Variants in FDXR observed in about 807,000 individuals in gnomAD.
The protein encoded by FDXR is ferredoxin reductase, also known as NADPH:adrenodoxin oxidoreductase, mitochondrial.
A neutral mutation model predicts 58.3 loss-of-function variants in FDXR; 38 were observed. That is an observed-to-expected ratio of 0.65 (90% CI 0.50 to 0.85). The LOEUF is 0.85. Among genes scored for constraint, FDXR ranks in the 40% least tolerant of loss-of-function variants. The pLI is 0.00. For missense variants in FDXR, 624 were observed against 671.0 expected (o/e 0.93, Z 0.77); for synonymous variants, 275 against 273.8 (o/e 1.00, Z -0.04).
At chr17:74,866,299 GC>G in intron 4 of FDXR, 55 bp from the exon 5 acceptor site, 1 of 1,577,258 alleles carries the variant, frequency 6.3e-7, no homozygotes, top group Non-Finnish European at 8.7e-7. Context: ...GCACTGATAG[GC>G]CGGGCAGCCC....
chr17:74,864,760 C>T, intron 7 of FDXR, 64 bp downstream of exon 7: 1 of 1,606,800 alleles, frequency 6.2e-7, no homozygotes, highest in East Asian at 2.2e-5. Flanking sequence ...TGCCCCACCC[C>T]AACCCCTTAA....
chr17:74,864,804 T>A lies in FDXR; in HGVS notation c.717+20A>T, dbSNP rs781612378. On this transcript the variant is annotated intron_variant, in intron 7 of 11. Transcript: ENST00000293195. ...CCCCTCCACCTGGAACCCTGGCTCC[T>A]CCCACTCTGGCCCCAGCACCTTAAT... 6.2e-7 allele frequency: 1 copy of A among 1,613,414 alleles called. No homozygotes were observed. Among genetic ancestry groups the A allele is most frequent in the Non-Finnish European group, 8.5e-7 (1 of 1,179,754 alleles).
intron 2 of FDXR, chr17:74,868,564 A>G (rs2038270853): frequency 6.5e-6 from 10 of 1,535,188 alleles, no homozygotes; most frequent in African/African-American, 2.7e-5. Context: ...CTTATCTTCC[A>G]TTCTTTCCTG....
chr17:74,872,200 G>C (rs187001043), intron 1 of FDXR, 67 bp from the exon 2 acceptor site: 7 of 1,568,848 alleles, frequency 4.5e-6, no homozygotes, highest in Non-Finnish European at 6.0e-6. Context: ...AAACCAACCT[G>C]AATATCCAAC....
chr17:74,869,939 A>C (rs1308850896), intron 2 of FDXR: 2 of 452,306 alleles, frequency 4.4e-6, no homozygotes, highest in Non-Finnish European at 8.9e-6. Context: ...ACTTGGCCCT[A>C]GCATCCTTAC....
rs768718946 is a variant in FDXR at position 74,872,100 on chromosome 17, G to A, written c.113C>T (p.Thr38Ile). Residue 38 changes from threonine to isoleucine, a missense_variant, in exon 2 of 12, where the codon ACC becomes ATC. By Grantham distance (89) the Thr-to-Ile change is moderately conservative. Coordinates refer to ENST00000293195, the MANE Select transcript of FDXR (RefSeq NM_024417.5). ...FCHHFSTQEK[T>I]PQICVVGSGP... ...ACTGCCCACCACACAGATCTGGGGGGTCTTCTCCTGTGTGGAGAAATGGTG... is the reference window on the plus strand; with the variant it reads ...ACTGCCCACCACACAGATCTGGGGGATCTTCTCCTGTGTGGAGAAATGGTG... 1.9e-6 allele frequency: 3 copies of A among 1,607,330 alleles called. No individual in the cohort carries two copies. Among genetic ancestry groups the A allele is most frequent in the South Asian group, 1.1e-5 (1 of 90,180 alleles).
intron 2 of FDXR, 179 bp from the exon 3 acceptor site, chr17:74,867,055 C>A (rs1323249220): frequency 7.2e-7 from 1 of 1,397,806 alleles, no homozygotes; most frequent in Non-Finnish European, 9.5e-7. Flanking sequence ...GCCTGTCAGC[C>A]CAGCACTTTG....
Position 74,862,739 on chromosome 17 carries a change from G to T in FDXR, c.*78C>A. 6.6e-7 allele frequency: 1 copy of T among 1,512,982 alleles called. No individual in the cohort carries two copies. Among genetic ancestry groups the T allele is most frequent in the Non-Finnish European group, 8.8e-7 (1 of 1,130,850 alleles). 93.7% of individuals were successfully genotyped at this position (1,512,982 alleles called of 1,614,324 possible). On this transcript the variant is annotated 3_prime_UTR_variant, in exon 12 of 12. Transcript: ENST00000293195. The stretch of plus-strand genomic sequence containing the variant: ...CGGCCGGGATCAGCAGAGGTGCAAA[G>T]TCCCACTCAGACGGACCCAGCCCTT...
At chr17:74,863,803 T>G in intron 10 of FDXR, 93 bp downstream of exon 10, 1 of 1,465,156 alleles carries the variant, frequency 6.8e-7, no homozygotes, top group Non-Finnish European at 9.3e-7. Flanking sequence ...TCTCAGTACA[T>G]GTTGCTAGAT....
chr17:74,866,888 C>G lies in FDXR; in HGVS notation c.178-12G>C. 2 of 1,612,762 alleles carry G rather than the reference C, an allele frequency of 1.2e-6. No homozygotes were observed. The highest frequency in any genetic ancestry group is 1.7e-6 in the Non-Finnish European group (2 of 1,179,406). On this transcript the variant is annotated splice_polypyrimidine_tract_variant and intron_variant, in intron 2 of 11. Transcript: ENST00000293195. ...TGGGCCTGGGGGTGCTGCTGGGGAA[C>G]AGGGTGGCAGCTGGTGGGGCCGAGA...
rs2038158907 is a variant in FDXR, at chr17:74,865,816, T to C, written c.512A>G (p.Glu171Gly). The C allele has an allele frequency of 5.6e-6, 9 of 1,612,570 alleles. No homozygotes were observed. The East Asian group carries it at 1.8e-4, about 32-fold the overall frequency. Residue 171 changes from glutamate to glycine, a missense_variant, in exon 6 of 12, where the codon GAG (glutamate) becomes GGG (glycine). Glu to Gly is a moderately conservative substitution (Grantham distance 98). Coordinates refer to ENST00000293195, the MANE Select transcript of FDXR (RefSeq NM_024417.5). ...YNGLPENQEL[E>G]PDLSCDTAVI... The stretch of plus-strand genomic sequence containing the variant: ...GGCTGTGTCACAGCTCAGGTCTGGC[T>C]CCAGCTGGAGGGGAAAGGTCTTGAT...
chr17:74,865,582 C>G, intron 6 of FDXR, 137 bp downstream of exon 6: 1 of 615,694 alleles, frequency 1.6e-6, no homozygotes, highest in South Asian at 2.0e-5. Flanking sequence ...CTTCAGAGAG[C>G]CTCTGCCTGG....
chr17:74,866,703 C>T, intron 3 of FDXR, 81 bp downstream of exon 3: 1 of 1,587,830 alleles, frequency 6.3e-7, no homozygotes, highest in South Asian at 1.1e-5. Context: ...GAAGTCCTGT[C>T]ATCCAGCCAG....
chr17:74,867,306 CAAA>C (rs56079045), intron 2 of FDXR, among the ~76,000 whole-genome samples: 19 of 16,512 alleles, frequency 1.2e-3, no homozygotes, highest in African/African-American at 2.9e-3. Context: ...GACTCTGTCT[CAAA>C]AAAAAAAAAA....
chr17:74,868,512 T>A, intron 2 of FDXR: 1 of 1,426,438 alleles, frequency 7.0e-7, no homozygotes, highest in Non-Finnish European at 9.5e-7. Flanking sequence ...TTCAAACTGC[T>A]CGGCCTAGAG....
chr17:74,864,786 A>T (rs1416089595), intron 7 of FDXR, 38 bp downstream of exon 7: 1 of 1,612,726 alleles, frequency 6.2e-7, no homozygotes, highest in Non-Finnish European at 8.5e-7. Context: ...GGCCCCCTCC[A>T]CCTGGAACCC....
chr17:74,867,079 G>A, intron 2 of FDXR: 1 of 1,172,730 alleles, frequency 8.5e-7, no homozygotes, highest in Non-Finnish European at 1.2e-6. Flanking sequence ...GGCTGAGGCA[G>A]GTGGATAACC....
chr17:74,872,921 C>CCAGCGCCAG lies in FDXR; in HGVS notation c.15_23dup (p.Cys5_Arg7dup). Reference sequence around the variant, plus strand: ...TCCGAGGCCACGCCGACCAGCCCCACCAGCGCCAGCAGCGCGAAGCCATGG... The same window carrying CCAGCGCCAG: ...TCCGAGGCCACGCCGACCAGCCCCACCAGCGCCAGCAGCGCCAGCAGCGCGAAGCCATGG... On this transcript the variant is annotated inframe_insertion, in exon 1 of 12. Transcript: ENST00000293195. 1 of 1,556,460 alleles carries CCAGCGCCAG rather than the reference C, an allele frequency of 6.4e-7. No homozygotes were observed. The highest frequency in any genetic ancestry group is 8.7e-7 in the Non-Finnish European group (1 of 1,150,540).
At position 74,863,090 on chromosome 17, in the gene FDXR, A is replaced by G; in HGVS notation, c.1331T>C (p.Leu444Pro). The part of the protein sequence containing the change: ...PRPGYAAIQA[L>P]LSSRGVRPVS... ...GGGGCCCAGACCTCGGCTGCTGAGC[A>G]GGGCCTGGATGGCTGCGTAGCCAGG... is the stretch of plus-strand genomic sequence containing the variant. Residue 444 changes from leucine (L) to proline (P), a missense_variant, in exon 11 of 12, where the codon CTG becomes CCG. By Grantham distance (98) the Leu-to-Pro change is moderately conservative. Transcript: ENST00000293195. 1 of 1,612,516 alleles carries G rather than the reference A, an allele frequency of 6.2e-7. No homozygotes were observed. Among genetic ancestry groups the G allele is most frequent in the Non-Finnish European group, 8.5e-7 (1 of 1,179,500 alleles).
Sources: gnomAD v4.1 joint callset for allele counts (sites outside exome capture counted in the v4.1 genomes callset) on GRCh38, gnomAD v4.1.1 for gene constraint, MANE v1.5 for transcripts, NCBI Gene and HGNC (gene_info 2026-07-23, HGNC 2026-07-21) for gene names.